CACNA2D3: variants seen among roughly 807,000 people sequenced by gnomAD.
CACNA2D3 encodes calcium voltage-gated channel auxiliary subunit alpha2delta 3, also known as voltage-dependent calcium channel subunit alpha-2/delta-3.
Under a neutral mutation model 160.6 loss-of-function variants are expected in CACNA2D3, and 60 were observed. That is an observed-to-expected ratio of 0.37 (90% confidence interval 0.30 to 0.46). The LOEUF (loss-of-function observed/expected upper bound fraction) is 0.46, where lower values mean the gene tolerates loss of function less well. CACNA2D3 is among the 20% of genes least tolerant of loss of function. The pLI, the probability that CACNA2D3 is intolerant of heterozygous loss-of-function variation, is 1.00. For missense variants in CACNA2D3, 1,205 were observed against 1,365.0 expected, an observed-to-expected ratio of 0.88 and a Z score of 1.85; for synonymous variants, 558 against 492.9, an observed-to-expected ratio of 1.13 and a Z score of -1.75.
At chr3:54,779,645 C>T (rs1221028519) in intron 13 of CACNA2D3, among the ~76,000 whole-genome samples, 1 of 152,100 alleles carries the variant, frequency 6.6e-6, no homozygotes, top group Non-Finnish European at 1.5e-5. Context: ...CAAACTTTCT[C>T]CCTCCCCTGG....
chr3:55,049,963 T>C (rs1704153118), intron 35 of CACNA2D3, among the ~76,000 whole-genome samples: 1 of 150,836 alleles, frequency 6.6e-6, no homozygotes, highest in East Asian at 1.9e-4. Flanking sequence ...TTGTTAGATC[T>C]TCGTCCATCC....
At chr3:54,566,803 A>G (rs1213165377) in intron 6 of CACNA2D3, among the ~76,000 whole-genome samples, 1 of 152,184 alleles carries the variant, frequency 6.6e-6, no homozygotes, top group African/African-American at 2.4e-5. Flanking sequence ...TGGCTGCCAT[A>G]GGAAGGTGAA....
intron 2 of CACNA2D3, among the ~76,000 whole-genome samples, chr3:54,291,782 C>G (rs1703212076): frequency 6.6e-6 from 1 of 152,156 alleles, no homozygotes; most frequent in South Asian, 2.1e-4. Context: ...GAGTGCTGAA[C>G]AGATTCGAAG....
At chr3:54,592,429 C>T (rs1004049441) in intron 9 of CACNA2D3, among the ~76,000 whole-genome samples, 3 of 152,140 alleles carry the variant, frequency 2.0e-5, no homozygotes, top group East Asian at 1.9e-4. Context: ...TTTTGCTTTG[C>T]TGTTTTATGT....
At chr3:54,398,087 C>G (rs1414636316) in intron 4 of CACNA2D3, among the ~76,000 whole-genome samples, 49 of 45,518 alleles carry the variant, frequency 1.1e-3, no homozygotes, top group Non-Finnish European at 1.7e-3. Flanking sequence ...TTCTTTGTCT[C>G]TTTTGATCTT....
chr3:54,403,442 A>G (rs917544411), intron 4 of CACNA2D3, among the ~76,000 whole-genome samples: 35 of 152,074 alleles, frequency 2.3e-4, no homozygotes, highest in African/African-American at 8.2e-4. Context: ...TAGTGAAGAC[A>G]TAACATACCA....
chr3:54,929,379 T>C (rs183190079), intron 27 of CACNA2D3, among the ~76,000 whole-genome samples: 46 of 152,330 alleles, frequency 3.0e-4, no homozygotes, highest in Admixed American at 2.5e-3. Context: ...GCAGGAGGAA[T>C]GTCCTGAGGG....
intron 13 of CACNA2D3, among the ~76,000 whole-genome samples, chr3:54,788,354 G>C (rs1702680728): frequency 1.3e-5 from 2 of 152,124 alleles, no homozygotes; most frequent in Non-Finnish European, 2.9e-5. Context: ...TGTTCAAGAT[G>C]TCTCACCACC....
At chr3:54,536,071 A>G (rs979649233) in intron 5 of CACNA2D3, among the ~76,000 whole-genome samples, 2 of 152,238 alleles carry the variant, frequency 1.3e-5, no homozygotes, top group African/African-American at 4.8e-5. Context: ...TATGTATTCC[A>G]TCTAAAAATG....
chr3:55,058,168 T>C (rs984434559), intron 35 of CACNA2D3, among the ~76,000 whole-genome samples: 1 of 152,058 alleles, frequency 6.6e-6, no homozygotes, highest in Non-Finnish European at 1.5e-5. Context: ...TGAATAGGGG[T>C]GGGAATTATT....
At chr3:54,296,781 A>G (rs72986087) in intron 2 of CACNA2D3, among the ~76,000 whole-genome samples, 3,122 of 152,338 alleles carry the variant, frequency 0.02, 95 homozygotes, top group African/African-American at 0.072. Context: ...TAAAAAGCCA[A>G]CTGAGAGAAG....
intron 29 of CACNA2D3, among the ~76,000 whole-genome samples, chr3:54,982,987 A>G (rs1702539387): frequency 6.6e-6 from 1 of 152,160 alleles, no homozygotes; most frequent in South Asian, 2.1e-4. Flanking sequence ...CCTGTGACTT[A>G]GAATGCCTTA....
intron 15 of CACNA2D3, 52 bp downstream of exon 15, chr3:54,837,282 A>T (rs1559600200): frequency 2.8e-6 from 4 of 1,441,058 alleles, no homozygotes; most frequent in African/African-American, 1.4e-5. Context: ...TGGTTTTCTC[A>T]GACCCCCTCT....
intron 9 of CACNA2D3, among the ~76,000 whole-genome samples, chr3:54,594,842 G>A (rs1182380345): frequency 6.6e-6 from 1 of 152,214 alleles, no homozygotes; most frequent in Non-Finnish European, 1.5e-5. Context: ...TGAGTTGACA[G>A]AAGACTAGAT....
intron 2 of CACNA2D3, among the ~76,000 whole-genome samples, chr3:54,223,652 G>A (rs945894554): frequency 3.9e-5 from 6 of 151,936 alleles, no homozygotes; most frequent in African/African-American, 7.3e-5. Context: ...TCAGGAGTTC[G>A]AGACCAGCCT....
chr3:54,432,757 T>C (rs1442463670), intron 4 of CACNA2D3, among the ~76,000 whole-genome samples: 1 of 152,186 alleles, frequency 6.6e-6, no homozygotes, highest in Non-Finnish European at 1.5e-5. Context: ...TAAGAAAGCC[T>C]ACTGGATTCA....
chr3:54,525,762 C>T (rs1701714623), intron 5 of CACNA2D3, among the ~76,000 whole-genome samples: 1 of 150,286 alleles, frequency 6.7e-6, no homozygotes. Context: ...AATATTTTTT[C>T]CTTGTCTTTG....
rs151047171 is a variant in CACNA2D3 at position 54,725,966 on chromosome 3, T to C, written c.1168-26633T>C. On this transcript the variant is annotated intron_variant, in intron 11 of 37. Transcript: ENST00000474759. The stretch of plus-strand genomic sequence containing the variant: ...GGTATTCATATAGGAAGAGAGGAAG[T>C]CAAATGGTCTCTGTTTGCAGATGAC... Among the ~76,000 whole-genome samples, 697 of 152,168 alleles carry C rather than the reference T, an allele frequency of 4.6e-3. 9 individuals carry two copies. The highest frequency in any genetic ancestry group is 0.016 in the African/African-American group (670 of 41,508).
intron 4 of CACNA2D3, among the ~76,000 whole-genome samples, chr3:54,419,038 G>A (rs1699798799): frequency 6.6e-6 from 1 of 152,220 alleles, no homozygotes; most frequent in Non-Finnish European, 1.5e-5. Context: ...CAAGGAAAAA[G>A]TGGAGGATCA....
Sources: allele counts gnomAD v4.1 joint callset (sites outside exome capture counted in the v4.1 genomes callset), GRCh38; gene constraint gnomAD v4.1.1; transcripts MANE v1.5; gene names NCBI Gene and HGNC (gene_info 2026-07-23, HGNC 2026-07-21).